The following HGSNAT variants were observed in gnomAD, a reference collection of about 807,000 sequenced individuals.
HGSNAT encodes heparan-alpha-glucosaminide N-acetyltransferase.
A neutral mutation model predicts 85.2 loss-of-function variants in HGSNAT; 59 were observed. The ratio of observed to expected loss-of-function variants is 0.69; its 90% CI spans 0.56 to 0.86. The LOEUF (loss-of-function observed/expected upper bound fraction) is 0.86. HGSNAT is among the 40% of genes least tolerant of loss of function. The pLI, the probability that HGSNAT is intolerant of heterozygous loss-of-function variation, is 0.00. For missense variants in HGSNAT, 756 were observed against 777.1 expected (o/e 0.97, Z 0.32); for synonymous variants, 321 against 304.5 (o/e 1.05, Z -0.56).
chr8:43,172,134 C>T (rs555979323), intron 7 of HGSNAT, among the ~76,000 whole-genome samples, 176 bp from the exon 8 acceptor site: 10 of 152,332 alleles, frequency 6.6e-5, no homozygotes, highest in African/African-American at 2.4e-4. Flanking sequence ...GTCCTAATTG[C>T]GATGACTAGA....
rs537369422 is a variant in HGSNAT, at chr8:43,141,350, C to G, written c.118+736C>G. Among the ~76,000 whole-genome samples the G allele has an allele frequency of 7.3e-3, 1,105 of 152,282 alleles. 9 individuals are homozygous for G. Among genetic ancestry groups the G allele is most frequent in the Non-Finnish European group, 0.011 (732 of 68,022 alleles). ...GGCTGGGCGCTTTTGCCCCGGGCCC[C>G]GGACCCCGGGCGTTTGTCCGGTGCG... is the stretch of plus-strand genomic sequence containing the variant. On this transcript the variant is annotated intron_variant, in intron 1 of 17. Transcript: ENST00000379644.
rs1803180587 is a variant in HGSNAT at position 43,158,927 on chromosome 8, G to A, written c.376G>A (p.Glu126Lys). ...AATTTTACCTAATGTTTGTAGGTTG[G>A]AATACAGATTTGGAGAATTTGGAAA... ...TLEEKEVCRL[E>K]YRFGEFGNYS... The change falls in exon 4 of 18, where the codon GAA becomes AAA. Residue 126 changes from glutamate (E) to lysine (K), a missense_variant. Physicochemically the swap from Glu to Lys is moderately conservative, Grantham distance 56. Coordinates refer to ENST00000379644, the MANE Select transcript of HGSNAT (RefSeq NM_152419.3). The A allele has an allele frequency of 1.9e-6, 3 of 1,606,644 alleles. No individual in the cohort carries two copies. The highest frequency in any genetic ancestry group is 2.6e-6 in the Non-Finnish European group (3 of 1,175,742).
intron 1 of HGSNAT, among the ~76,000 whole-genome samples, chr8:43,143,407 G>T (rs529352857): frequency 1.3e-5 from 2 of 152,190 alleles, no homozygotes; most frequent in Non-Finnish European, 2.9e-5. Context: ...CTGGTTAGCC[G>T]TTATGTGCAC....
intron 9 of HGSNAT, among the ~76,000 whole-genome samples, chr8:43,174,997 A>AACATGTGAAGTTTGTCTTC (rs71231898): frequency 0.87 from 132,777 of 152,030 alleles, 58,799 homozygotes; most frequent in Non-Finnish European, 0.96. Context: ...AAATAATTGG[A>AACATGTGAAGTTTGTCTTC]ACATGGCTTA....
At chr8:43,182,647 T>C (rs138447104) in intron 11 of HGSNAT, among the ~76,000 whole-genome samples, 251 of 152,294 alleles carry the variant, frequency 1.6e-3, no homozygotes, top group Non-Finnish European at 3.2e-3. Flanking sequence ...GGTCTCACTA[T>C]GTTGTCCAGG....
chr8:43,149,106 ACT>A (rs961193611), intron 2 of HGSNAT, among the ~76,000 whole-genome samples: 21 of 142,188 alleles, frequency 1.5e-4, no homozygotes, highest in African/African-American at 4.8e-4. Flanking sequence ...TCAGAGCGAG[ACT>A]CTGTCTCAAA....
chr8:43,150,279 G>A (rs1395708218), intron 2 of HGSNAT, among the ~76,000 whole-genome samples: 1 of 151,914 alleles, frequency 6.6e-6, no homozygotes, highest in Non-Finnish European at 1.5e-5. Context: ...TAAGTAAGAT[G>A]TTCTCAGTAT....
At chr8:43,188,430 G>C (rs959891263) in intron 11 of HGSNAT, among the ~76,000 whole-genome samples, 3 of 152,018 alleles carry the variant, frequency 2.0e-5, no homozygotes, top group Admixed American at 1.3e-4. Flanking sequence ...CCACTTGACT[G>C]AATTGGCTAC....
intron 4 of HGSNAT, among the ~76,000 whole-genome samples, chr8:43,159,845 C>T (rs1302990953): frequency 2.0e-5 from 3 of 152,164 alleles, no homozygotes. Context: ...CCATTCGGAA[C>T]TCCCTATTAG....
rs9773548 is a variant in HGSNAT at position 43,186,062 on chromosome 8, G to A, written c.1128+3802G>A. 4.4e-3 allele frequency among the ~76,000 whole-genome samples: 665 copies of A among 152,212 alleles called. 8 individuals carry two copies. Among genetic ancestry groups the A allele is most frequent in the African/African-American group, 0.015 (636 of 41,546 alleles). On this transcript the variant is annotated intron_variant, in intron 11 of 17. Transcript: ENST00000379644. ...TCCCAGTATTTTATTGAGGATTTTTGCATCGATGTTCATCAGGGATATTGG... is the reference window on the plus strand; with the variant it reads ...TCCCAGTATTTTATTGAGGATTTTTACATCGATGTTCATCAGGGATATTGG...
intron 5 of HGSNAT, among the ~76,000 whole-genome samples, chr8:43,166,551 GA>G: frequency 6.6e-6 from 1 of 152,292 alleles, no homozygotes; most frequent in East Asian, 1.9e-4. Context: ...GTGGCTTACT[GA>G]CTATTTTAAG....
chr8:43,199,637 G>A lies in HGSNAT; in HGVS notation c.*68G>A. 1 of 1,225,782 alleles carries A rather than the reference G, an allele frequency of 8.2e-7. No homozygotes were observed. The highest frequency in any genetic ancestry group is 2.6e-4 in the Middle Eastern group (1 of 3,868). The allele number at this position is 1,225,782 out of a possible 1,614,324, so 75.9% of individuals were successfully genotyped here. ...TGCAGGGAGGACTGAAGCAGCCTTT[G>A]TTAAAGGGAAGCATTCATTAGGAAA... On this transcript the variant is annotated 3_prime_UTR_variant, in exon 18 of 18. Transcript: ENST00000379644.
Position 43,159,012 on chromosome 8 carries a change from C to G in HGSNAT, c.461C>G (p.Ala154Gly), listed in dbSNP as rs373688314. ...NGVSEIACDLAVNEDPVDSNL... is the reference protein window; with the variant it reads ...NGVSEIACDLGVNEDPVDSNL... ...GTTAGTGAAATTGCCTGTGACCTGG[C>G]TGTGAACGAGGATCCAGTTGATAGT... The change falls in exon 4 of 18, where the codon GCT (alanine) becomes GGT (glycine). Residue 154 changes from alanine (A) to glycine (G), a missense_variant. Transcript: ENST00000379644. 6.2e-6 allele frequency: 10 copies of G among 1,613,596 alleles called. No individual in the cohort carries two copies. The Admixed American group carries it at 8.3e-5, about 13-fold the overall frequency.
In HGSNAT at chr8:43,162,363, T is replaced by C. The variant is rs1337892529; in HGVS notation, c.563+856T>C. ...TAATTCCATGTGTGAGGACCCCAACTGTGTATAGGGTAAAAGAACCACATG... is the reference window on the plus strand; with the variant it reads ...TAATTCCATGTGTGAGGACCCCAACCGTGTATAGGGTAAAAGAACCACATG... On this transcript the variant is annotated intron_variant, in intron 5 of 17. Coordinates refer to ENST00000379644, the MANE Select transcript of HGSNAT (RefSeq NM_152419.3). 2.6e-5 allele frequency among the ~76,000 whole-genome samples: 4 copies of C among 152,198 alleles called. 1 individual carries two copies. In the East Asian group the frequency reaches 7.7e-4, roughly 29 times the overall value.
At position 43,193,799 on chromosome 8, in the gene HGSNAT, C is replaced by G. The variant is rs1804620596; in HGVS notation, c.1420C>G (p.Leu474Val). ...TEVAYDPEGI[L>V]GTINSIVMAF... ...GGTGGCCTATGACCCCGAGGGCATCCTGGGCACCATCAACTCCATCGTGAT... is the reference window on the plus strand; with the variant it reads ...GGTGGCCTATGACCCCGAGGGCATCGTGGGCACCATCAACTCCATCGTGAT... Residue 474 changes from leucine (L) to valine (V), a missense_variant, in exon 14 of 18, where the codon CTG becomes GTG. Physicochemically the swap from Leu to Val is conservative, Grantham distance 32. Transcript: ENST00000379644. 1 of 1,613,904 alleles carries G rather than the reference C, an allele frequency of 6.2e-7. No homozygotes were observed. Among genetic ancestry groups the G allele is most frequent in the Non-Finnish European group, 8.5e-7 (1 of 1,179,842 alleles).
intron 2 of HGSNAT, among the ~76,000 whole-genome samples, chr8:43,154,561 A>G (rs1448507898): frequency 3.9e-5 from 6 of 152,190 alleles, no homozygotes; most frequent in Middle Eastern, 3.4e-3. Flanking sequence ...TCCATGGTGT[A>G]TATGTGCCAC....
intron 3 of HGSNAT, 50 bp downstream of exon 3, chr8:43,158,761 T>C: frequency 1.9e-6 from 3 of 1,546,636 alleles, no homozygotes; most frequent in Non-Finnish European, 2.6e-6. Flanking sequence ...TTTTCTCTTT[T>C]TCTATTTTGG....
chr8:43,193,878 C>A (rs767731251), intron 14 of HGSNAT, 35 bp downstream of exon 14: 1 of 1,604,806 alleles, frequency 6.2e-7, no homozygotes, highest in Admixed American at 1.7e-5. Flanking sequence ...CTTTTTCTGA[C>A]AATTTATGAT....
At chr8:43,180,517 T>A (rs1488319166) in intron 10 of HGSNAT, 1 of 93,118 alleles carries the variant, frequency 1.1e-5, no homozygotes, top group Non-Finnish European at 2.4e-5. Flanking sequence ...GCAGAGACGC[T>A]CCTCACTTCC....
Sources: gnomAD v4.1 joint callset for allele counts (sites outside exome capture counted in the v4.1 genomes callset) on GRCh38, gnomAD v4.1.1 for gene constraint, MANE v1.5 for transcripts, NCBI Gene and HGNC (gene_info 2026-07-23, HGNC 2026-07-21) for gene names.